LRMDA: variants seen among roughly 807,000 people sequenced by gnomAD.
The protein encoded by LRMDA is leucine-rich melanocyte differentiation-associated protein.
LRMDA carries 18 observed loss-of-function variants against 29.8 expected under a neutral mutation model. The ratio of observed to expected loss-of-function variants is 0.60; its 90% CI spans 0.42 to 0.90. The LOEUF is 0.90. LRMDA is among the 40% of genes least tolerant of loss of function. The pLI is 0.00. For synonymous variants in LRMDA, 125 were observed against 109.4 expected (o/e 1.14, Z -0.89); for missense variants, 273 against 273.9 (o/e 1.00, Z 0.02).
intron 2 of LRMDA, among the ~76,000 whole-genome samples, chr10:75,503,934 A>G (rs191872944): frequency 6.6e-6 from 1 of 152,020 alleles, no homozygotes; most frequent in South Asian, 2.1e-4. Flanking sequence ...AATAAGGGGT[A>G]TTAATGAAGC....
Position 76,558,448 on chromosome 10 carries a change from A to G in LRMDA, c.*1160A>G, listed in dbSNP as rs1206859069. On this transcript the variant is annotated 3_prime_UTR_variant, in exon 7 of 7. Coordinates refer to ENST00000611255, the MANE Select transcript of LRMDA (RefSeq NM_001305581.2). ...CACTAGCACTAATGTCACAAGGAAC[A>G]TAAGTGTGATCATTGCTAGTTGGGT... 1.3e-5 allele frequency: 2 copies of G among 152,242 alleles called. No homozygotes were observed. Among genetic ancestry groups the G allele is most frequent in the African/African-American group, 2.4e-5 (1 of 41,456 alleles). The allele number at this position is 152,242 out of a possible 1,614,324, so 9.4% of individuals were successfully genotyped here.
intron 6 of LRMDA, among the ~76,000 whole-genome samples, chr10:76,491,034 C>G (rs1842829030): frequency 6.6e-6 from 1 of 151,844 alleles, no homozygotes; most frequent in African/African-American, 2.4e-5. Context: ...ATTGCATCAA[C>G]AAACAAAAGG....
At chr10:75,900,777 C>A (rs1845656895) in intron 2 of LRMDA, among the ~76,000 whole-genome samples, 1 of 151,790 alleles carries the variant, frequency 6.6e-6, no homozygotes, top group African/African-American at 2.4e-5. Flanking sequence ...TCCATGCCCA[C>A]CCCCCCACCT....
chr10:76,386,918 C>T (rs116820187), intron 6 of LRMDA, among the ~76,000 whole-genome samples: 191 of 151,884 alleles, frequency 1.3e-3, no homozygotes, highest in African/African-American at 4.4e-3. Context: ...TTATACAAAA[C>T]TAGAAATGCA....
chr10:76,187,649 G>C (rs1851173593), intron 5 of LRMDA, among the ~76,000 whole-genome samples: 3 of 152,188 alleles, frequency 2.0e-5, no homozygotes, highest in Non-Finnish European at 4.4e-5. Context: ...TGAACTCAAT[G>C]GATGTTATTT....
At chr10:76,221,637 G>C (rs1388960116) in intron 5 of LRMDA, among the ~76,000 whole-genome samples, 1 of 152,184 alleles carries the variant, frequency 6.6e-6, no homozygotes, top group African/African-American at 2.4e-5. Context: ...ACAAATGGAA[G>C]AGCATTCCAT....
At chr10:75,980,524 G>T (rs1247133198) in intron 2 of LRMDA, among the ~76,000 whole-genome samples, 1 of 152,166 alleles carries the variant, frequency 6.6e-6, no homozygotes, top group Non-Finnish European at 1.5e-5. Context: ...TGGCAGGGGG[G>T]CTATAATGTT....
At chr10:75,656,094 G>T (rs1219504893) in intron 2 of LRMDA, among the ~76,000 whole-genome samples, 2 of 152,136 alleles carry the variant, frequency 1.3e-5, no homozygotes, top group Non-Finnish European at 2.9e-5. Flanking sequence ...TGTTTTAATT[G>T]TTCACCATAG....
chr10:76,356,977 TGGTGGAGAACTA>T (rs1388330805), intron 6 of LRMDA, among the ~76,000 whole-genome samples: 1 of 152,106 alleles, frequency 6.6e-6, no homozygotes, highest in Admixed American at 6.5e-5. Context: ...GAAAGTTGGT[TGGTGGAGAACTA>T]GGAAAATATA....
chr10:75,709,744 C>T (rs1808092225), intron 2 of LRMDA, among the ~76,000 whole-genome samples: 1 of 152,022 alleles, frequency 6.6e-6, no homozygotes, highest in Admixed American at 6.6e-5. Context: ...TCCACTCGGC[C>T]CTTTAAGAGG....
At chr10:76,093,950 C>T (rs1336051346) in intron 5 of LRMDA, among the ~76,000 whole-genome samples, 1 of 152,170 alleles carries the variant, frequency 6.6e-6, no homozygotes, top group Non-Finnish European at 1.5e-5. Flanking sequence ...CCTCAATACC[C>T]CCTTACCACG....
chr10:76,381,477 C>T (rs1168813374), intron 6 of LRMDA, among the ~76,000 whole-genome samples: 1 of 152,072 alleles, frequency 6.6e-6, no homozygotes, highest in Non-Finnish European at 1.5e-5. Flanking sequence ...CTTATATTTT[C>T]ATAATTGTGC....
At chr10:76,365,107 T>TATATATATATATATATATATACACACAC (rs141131236) in intron 6 of LRMDA, among the ~76,000 whole-genome samples, 1 of 61,246 alleles carries the variant, frequency 1.6e-5, no homozygotes, top group Non-Finnish European at 4.3e-5. Flanking sequence ...TATATATATA[T>TATATATATATATATATATATACACACAC]ACACACACAC....
chr10:76,350,169 C>CAA (rs150371543), intron 6 of LRMDA, among the ~76,000 whole-genome samples: 116 of 143,816 alleles, frequency 8.1e-4, no homozygotes, highest in Non-Finnish European at 1.1e-3. Context: ...AGGCAAAAAA[C>CAA]AAAAAAAAAA....
intron 6 of LRMDA, among the ~76,000 whole-genome samples, chr10:76,367,331 C>T (rs553600941): frequency 7.8e-4 from 119 of 152,228 alleles, no homozygotes; most frequent in African/African-American, 2.7e-3. Flanking sequence ...AGGATTGGTA[C>T]TAACTCTTAT....
At chr10:76,131,493 C>G (rs1001511119) in intron 5 of LRMDA, among the ~76,000 whole-genome samples, 1 of 152,152 alleles carries the variant, frequency 6.6e-6, no homozygotes, top group Non-Finnish European at 1.5e-5. Flanking sequence ...GCAATTATCA[C>G]TTTAGGAAAT....
At chr10:75,903,491 T>A (rs1169457393) in intron 2 of LRMDA, among the ~76,000 whole-genome samples, 2 of 152,262 alleles carry the variant, frequency 1.3e-5, no homozygotes, top group African/African-American at 4.8e-5. Context: ...ATTCCATTAT[T>A]GGATAAATTA....
chr10:76,046,697 T>A (rs1284869033), intron 3 of LRMDA, among the ~76,000 whole-genome samples: 1 of 152,184 alleles, frequency 6.6e-6, no homozygotes, highest in Admixed American at 6.5e-5. Context: ...TTGGCCAGGC[T>A]GGTCTCAAAC....
intron 2 of LRMDA, among the ~76,000 whole-genome samples, chr10:75,477,265 A>C (rs1844806769): frequency 6.6e-6 from 1 of 152,046 alleles, no homozygotes; most frequent in Non-Finnish European, 1.5e-5. Context: ...TCTTCTTGTG[A>C]AGACACCAGT....
Sources: allele counts gnomAD v4.1 joint callset (sites outside exome capture counted in the v4.1 genomes callset), GRCh38; gene constraint gnomAD v4.1.1; transcripts MANE v1.5; gene names NCBI Gene and HGNC (gene_info 2026-07-23, HGNC 2026-07-21).